The following ZNF487 variants were observed in gnomAD, a reference collection of about 807,000 sequenced individuals.
ZNF487 encodes the protein KRAB domain only 1.
Under a neutral mutation model 3.0 loss-of-function variants are expected in ZNF487, and 4 were observed. The observed-to-expected ratio is 1.35, with a 90% confidence interval of 0.66 to 3.08. The LOEUF (loss-of-function observed/expected upper bound fraction) is 3.08. Ranked by LOEUF, ZNF487 falls within the 30% of genes most tolerant of loss-of-function variation. The pLI is 0.01. For synonymous variants in ZNF487, 55 were observed against 34.6 expected (o/e 1.59, Z -2.06); for missense variants, 146 against 98.7 (o/e 1.48, Z -2.03).
chr10:43,510,839 C>T, the ZNF487 span, among the ~76,000 whole-genome samples: 1 of 152,210 alleles, frequency 6.6e-6, no homozygotes, highest in Admixed American at 6.5e-5. Flanking sequence ...AGCCACCGTG[C>T]CCGGCCCTGT....
chr10:43,498,282 CT>C, the ZNF487 span, among the ~76,000 whole-genome samples: 1 of 89,570 alleles, frequency 1.1e-5, no homozygotes, highest in Non-Finnish European at 2.4e-5. Context: ...ATATTTTTTT[CT>C]TTTTTCTTTT....
intron 1 of ZNF487, among the ~76,000 whole-genome samples, chr10:43,461,213 G>A (rs1564419613): frequency 1.3e-5 from 2 of 151,760 alleles, no homozygotes; most frequent in African/African-American, 2.4e-5. Context: ...CATCATGTTT[G>A]TCAGGCTGGT....
chr10:43,484,709 AT>A (rs375981266), downstream of ZNF487, among the ~76,000 whole-genome samples: 1,006 of 152,352 alleles, frequency 6.6e-3, 3 homozygotes, highest in Non-Finnish European at 0.011. Context: ...ATTTAAAAAA[AT>A]CTTGTACTGA....
the ZNF487 span, among the ~76,000 whole-genome samples, chr10:43,510,654 TCTC>T: frequency 6.6e-6 from 1 of 152,118 alleles, no homozygotes; most frequent in Admixed American, 6.5e-5. Context: ...TTCAAGCAAT[TCTC>T]CTGCCTCAGC....
Position 43,465,194 on chromosome 10 carries a change from AC to A in ZNF487, c.-93-10520del, listed in dbSNP as rs1245002765. ...GGGCGGCTGGCCGGGCGGGGGGCTG[AC>A]CCCCCCACCTCCCTCCTGGACGGGG... is the stretch of plus-strand genomic sequence containing the variant. On this transcript the variant is annotated intron_variant, in intron 1 of 3. Transcript: ENST00000437590. Among the ~76,000 whole-genome samples the A allele has an allele frequency of 7.5e-3, 939 of 125,216 alleles. 12 individuals are homozygous for A. The highest frequency in any genetic ancestry group is 0.028 in the African/African-American group (897 of 31,534). The allele number at this position is 125,216 out of a possible 152,430, so 82.1% of individuals were successfully genotyped here.
rs551592638 is a variant in ZNF487, at chr10:43,463,960, T to C, written c.-93-11761T>C. Among the ~76,000 whole-genome samples, 3 of 152,046 alleles carry C rather than the reference T, an allele frequency of 2.0e-5. No individual in the cohort carries two copies. The East Asian group carries it at 5.8e-4, about 29-fold the overall frequency. ...TCTCCCTTTCCTCTGGCCTCCCTAT[T>C]CCTTGAGACACAACAATATTGAAAT... On this transcript the variant is annotated intron_variant, in intron 1 of 3. Transcript: ENST00000437590.
intron 1 of ZNF487, among the ~76,000 whole-genome samples, chr10:43,466,080 C>G (rs550635798): frequency 3.3e-5 from 5 of 151,994 alleles, no homozygotes; most frequent in African/African-American, 7.3e-5. Context: ...CACAGGCACT[C>G]GGCAGGCTGA....
At chr10:43,443,137 A>G (rs1387016793) in intron 1 of ZNF487, among the ~76,000 whole-genome samples, 6 of 140,246 alleles carry the variant, frequency 4.3e-5, no homozygotes, top group African/African-American at 1.6e-4. Context: ...ATCTCTGCTC[A>G]CTGCAACCTC....
At chr10:43,474,446 C>T (rs1841020522) in intron 1 of ZNF487, among the ~76,000 whole-genome samples, 1 of 150,938 alleles carries the variant, frequency 6.6e-6, no homozygotes, top group South Asian at 2.1e-4. Context: ...ATGCCTGGAG[C>T]CCCATGTACT....
the ZNF487 span, among the ~76,000 whole-genome samples, chr10:43,492,951 C>T: frequency 1.3e-5 from 2 of 152,124 alleles, no homozygotes; most frequent in African/African-American, 2.4e-5. Flanking sequence ...GGTGTTCAGG[C>T]CAGGCGTGGT....
At chr10:43,505,505 G>A in the ZNF487 span, among the ~76,000 whole-genome samples, 110,345 of 151,796 alleles carry the variant, frequency 0.73, 41,419 homozygotes, top group East Asian at 0.93. Flanking sequence ...GGCTGGTCTT[G>A]AAATCCTGAC....
the ZNF487 span, among the ~76,000 whole-genome samples, chr10:43,512,536 TA>T: frequency 6.6e-6 from 1 of 152,092 alleles, no homozygotes; most frequent in Non-Finnish European, 1.5e-5. Context: ...CTGTCTCTCA[TA>T]AGGAGAGTAG....
At chr10:43,455,674 C>T (rs1398471373) in intron 1 of ZNF487, among the ~76,000 whole-genome samples, 1 of 152,188 alleles carries the variant, frequency 6.6e-6, no homozygotes, top group Admixed American at 6.5e-5. Flanking sequence ...CATGCGCGGC[C>T]CATTTCCGAG....
At chr10:43,496,087 G>A in the ZNF487 span, 1 of 534,200 alleles carries the variant, frequency 1.9e-6, no homozygotes, top group South Asian at 1.4e-5. Context: ...GCCCTATTGA[G>A]AGGACCCTGT....
intron 1 of ZNF487, among the ~76,000 whole-genome samples, chr10:43,451,164 G>A (rs1399286069): frequency 6.7e-6 from 1 of 149,722 alleles, no homozygotes; most frequent in Non-Finnish European, 1.5e-5. Flanking sequence ...CAGACTGCTT[G>A]TGAACTCCCG....
chr10:43,494,765 C>CAAAAAAAAAAAAAAAAA, the ZNF487 span, among the ~76,000 whole-genome samples: 3 of 35,790 alleles, frequency 8.4e-5, no homozygotes, highest in African/African-American at 1.9e-4. Context: ...ACTAAAAATA[C>CAAAAAAAAAAAAAAAAA]AAAAAAAAAA....
intron 3 of ZNF487, among the ~76,000 whole-genome samples, chr10:43,477,606 AAAG>A (rs1841148583): frequency 6.6e-6 from 1 of 152,062 alleles, no homozygotes; most frequent in Non-Finnish European, 1.5e-5. Context: ...AAACTTTTAA[AAAG>A]AAGAAAATGG....
At chr10:43,504,990 G>A in the ZNF487 span, among the ~76,000 whole-genome samples, 1 of 152,204 alleles carries the variant, frequency 6.6e-6, no homozygotes, top group Non-Finnish European at 1.5e-5. Flanking sequence ...ACAGGCGTGA[G>A]CCACTGCACC....
intron 1 of ZNF487, among the ~76,000 whole-genome samples, chr10:43,463,017 C>G (rs1840488824): frequency 6.6e-6 from 1 of 151,908 alleles, no homozygotes; most frequent in Non-Finnish European, 1.5e-5. Flanking sequence ...GGTGGATCAA[C>G]TGAGGTCGGG....
Sources: allele counts gnomAD v4.1 joint callset (sites outside exome capture counted in the v4.1 genomes callset), GRCh38; gene constraint gnomAD v4.1.1; transcripts MANE v1.5; gene names NCBI Gene and HGNC (gene_info 2026-07-23, HGNC 2026-07-21).